Variants in METRNL observed in about 807,000 individuals in gnomAD.
The protein encoded by METRNL is meteorin like, glial cell differentiation regulator, also known as meteorin-like protein.
METRNL carries 9 observed loss-of-function variants against 17.4 expected under a neutral mutation model. The observed-to-expected ratio is 0.52, with a 90% CI of 0.31 to 0.90. METRNL has a LOEUF of 0.90. METRNL is among the 40% of genes least tolerant of loss of function. The probability of loss-of-function intolerance (pLI) is 0.05; values close to 1 mark genes in which losing one functional copy is unlikely to be tolerated. For missense variants in METRNL, 408 were observed against 430.7 expected, an observed-to-expected ratio of 0.95 and a Z score of 0.47; for synonymous variants, 215 against 199.3, an observed-to-expected ratio of 1.08 and a Z score of -0.66.
intron 2 of METRNL, among the ~76,000 whole-genome samples, chr17:83,088,947 G>A (rs964660428): frequency 6.6e-6 from 1 of 152,120 alleles, no homozygotes; most frequent in African/African-American, 2.4e-5. Context: ...TTCCTGCTTG[G>A]TGCCTTCTCT....
chr17:83,084,998 G>T lies in METRNL; in HGVS notation c.231G>T (p.Ala77=). ...EVEQVYLRCA[A]GAVEWMYPTG... is the part of the protein sequence containing the mutation. Reference sequence around the variant, plus strand: ...AGCAGGTGTATCTGCGCTGTGCGGCGGGTGCCGTGGAGTGGATGTACCCAA... The same window carrying T: ...AGCAGGTGTATCTGCGCTGTGCGGCTGGTGCCGTGGAGTGGATGTACCCAA... The change falls in exon 2 of 4, where the codon GCG becomes GCT. Residue 77 remains alanine (A), a synonymous_variant. Transcript: ENST00000320095. The T allele has an allele frequency of 2.5e-6, 4 of 1,613,700 alleles. No individual in the cohort carries two copies. The highest frequency in any genetic ancestry group is 3.4e-6 in the Non-Finnish European group (4 of 1,179,972).
rs187879933 is a variant in METRNL at position 83,093,219 on chromosome 17, C to T, written c.609C>T (p.Ser203=). Residue 203 remains serine (S), a synonymous_variant, in exon 3 of 4, where the codon AGC becomes AGT. Transcript: ENST00000320095. ...DTEVLLAVCT[S]DFAVRGSIQQ... is the part of the protein sequence containing the mutation. ...AGGTGCTCCTAGCCGTCTGCACCAGCGACTTCGGTGAGTGTCTCCTCGGCA... is the reference window on the plus strand; with the variant it reads ...AGGTGCTCCTAGCCGTCTGCACCAGTGACTTCGGTGAGTGTCTCCTCGGCA... 322 of 1,607,776 alleles carry T rather than the reference C, an allele frequency of 2.0e-4. 2 individuals carry two copies. The East Asian group carries it at 6.4e-3, about 32-fold the overall frequency.
intron 1 of METRNL, chr17:83,082,307 T>A (rs1008374702): frequency 1.0e-6 from 1 of 973,988 alleles, no homozygotes; most frequent in African/African-American, 1.8e-5. Flanking sequence ...GGGCATTTTG[T>A]CCTGGTGACC....
chr17:83,087,886 G>A (rs1203427598), intron 2 of METRNL, among the ~76,000 whole-genome samples: 7 of 151,846 alleles, frequency 4.6e-5, no homozygotes, highest in Admixed American at 2.0e-4. Context: ...GAGGACAGAG[G>A]CTCCGTGGGC....
At chr17:83,091,597 C>T (rs2038137920) in intron 2 of METRNL, among the ~76,000 whole-genome samples, 1 of 152,252 alleles carries the variant, frequency 6.6e-6, no homozygotes. Context: ...CTGGGACCCC[C>T]AGTCACCAGC....
chr17:83,091,231 G>C (rs1356197899), intron 2 of METRNL, among the ~76,000 whole-genome samples: 3 of 151,708 alleles, frequency 2.0e-5, no homozygotes. Flanking sequence ...CCCAGTGCCA[G>C]GCTGGACCGG....
intron 1 of METRNL, among the ~76,000 whole-genome samples, chr17:83,081,607 G>A (rs746686689): frequency 7.9e-5 from 12 of 152,074 alleles, no homozygotes; most frequent in Admixed American, 2.0e-4. Context: ...CTGTCTACCT[G>A]GAGGCCCTCT....
chr17:83,094,934 T>TG lies in METRNL; in HGVS notation c.*360dup, dbSNP rs2038186542. On this transcript the variant is annotated 3_prime_UTR_variant, in exon 4 of 4. Coordinates refer to ENST00000320095, the MANE Select transcript of METRNL (RefSeq NM_001004431.3). Reference sequence around the variant, plus strand: ...TCACGGCATCTGGCCTGCGGTTGGGTGAAGCACTGGCCGTTGGGCACAGTG... The same window carrying TG: ...TCACGGCATCTGGCCTGCGGTTGGGTGGAAGCACTGGCCGTTGGGCACAGTG... 1 of 246,182 alleles carries TG rather than the reference T, an allele frequency of 4.1e-6. No individual in the cohort carries two copies. The highest frequency in any genetic ancestry group is 7.7e-6 in the Non-Finnish European group (1 of 129,842). The allele number at this position is 246,182 out of a possible 1,614,324, so 15.2% of individuals were successfully genotyped here.
At chr17:83,093,785 C>A (rs1015444183) in intron 3 of METRNL, among the ~76,000 whole-genome samples, 1 of 152,150 alleles carries the variant, frequency 6.6e-6, no homozygotes, top group African/African-American at 2.4e-5. Context: ...GTCCTGCAGG[C>A]CCCGGCTCTG....
chr17:83,085,202 C>T lies in METRNL; in HGVS notation c.435C>T (p.Gly145=), dbSNP rs2038037470. The T allele has an allele frequency of 6.2e-7, 1 of 1,608,910 alleles. No homozygotes were observed. Among genetic ancestry groups the T allele is most frequent in the Non-Finnish European group, 8.5e-7 (1 of 1,177,390 alleles). Residue 145 remains glycine (G), a synonymous_variant, in exon 2 of 4, where the codon GGC becomes GGT. Transcript: ENST00000320095. ...GGCCCGGCCGGGTGCAGTGTTTTGGCCTGGAGCAGGGCGGCCTGTTCGTGG... is the reference window on the plus strand; with the variant it reads ...GGCCCGGCCGGGTGCAGTGTTTTGGTCTGGAGCAGGGCGGCCTGTTCGTGG... The part of the protein sequence containing the change: ...DGRPGRVQCF[G]LEQGGLFVEA...
chr17:83,087,926 G>A (rs1365020285), intron 2 of METRNL, among the ~76,000 whole-genome samples: 2 of 152,212 alleles, frequency 1.3e-5, no homozygotes, highest in Non-Finnish European at 2.9e-5. Context: ...GGGTGTGTGA[G>A]CCCCGTCCCC....
At chr17:83,083,369 C>T (rs543801278) in intron 1 of METRNL, among the ~76,000 whole-genome samples, 6 of 152,300 alleles carry the variant, frequency 3.9e-5, no homozygotes, top group African/African-American at 1.2e-4. Flanking sequence ...TGCCTGAGCA[C>T]GGGCAGGAGG....
chr17:83,088,062 C>G (rs1443610152), intron 2 of METRNL, among the ~76,000 whole-genome samples: 1 of 152,214 alleles, frequency 6.6e-6, no homozygotes, highest in Non-Finnish European at 1.5e-5. Flanking sequence ...TTGGCCGGAA[C>G]ACGGGGGCAG....
intron 1 of METRNL, among the ~76,000 whole-genome samples, chr17:83,083,171 C>T (rs1044281259): frequency 2.0e-5 from 3 of 152,360 alleles, no homozygotes; most frequent in East Asian, 1.9e-4. Context: ...AGGCTCAAGT[C>T]GGCCTCCTCC....
chr17:83,092,291 G>A (rs901909978), intron 2 of METRNL: 4 of 152,330 alleles, frequency 2.6e-5, no homozygotes, highest in African/African-American at 9.6e-5. Flanking sequence ...CCCCACGCCG[G>A]TGGCAGGTGG....
At chr17:83,089,330 G>T (rs1344184946) in intron 2 of METRNL, among the ~76,000 whole-genome samples, 1 of 152,170 alleles carries the variant, frequency 6.6e-6, no homozygotes, top group Non-Finnish European at 1.5e-5. Flanking sequence ...CCACCTGTGT[G>T]GGAGACCCAG....
In METRNL at chr17:83,083,515, C is replaced by CTTG. The variant is rs571660976; in HGVS notation, c.171-1423_171-1422insTTG. On this transcript the variant is annotated intron_variant, in intron 1 of 3. Transcript: ENST00000320095. ...CACAGCACGATCATCGTGCCCTTGCCCACACACGTGTTAGATGAGCTTGTG... is the reference window on the plus strand; with the variant it reads ...CACAGCACGATCATCGTGCCCTTGCCTTGCACACACGTGTTAGATGAGCTTGTG... Among the ~76,000 whole-genome samples the CTTG allele has an allele frequency of 1.9e-3, 287 of 152,326 alleles. 1 individual carries two copies. Among genetic ancestry groups the CTTG allele is most frequent in the African/African-American group, 6.8e-3 (281 of 41,576 alleles).
chr17:83,094,397 G>A lies in METRNL; in HGVS notation c.758G>A (p.Arg253His), dbSNP rs150178990. ...GAGGGTGACGGCCACTGGCAGGGGCGCGTCAGGACGCTGCTGGAGTGTGGC... is the reference window on the plus strand; with the variant it reads ...GAGGGTGACGGCCACTGGCAGGGGCACGTCAGGACGCTGCTGGAGTGTGGC... ...VPEGDGHWQGRVRTLLECGVR... is the reference protein window; with the variant it reads ...VPEGDGHWQGHVRTLLECGVR... The change falls in exon 4 of 4, where the codon CGC (arginine) becomes CAC (histidine). Residue 253 changes from arginine (R) to histidine (H), a missense_variant. Coordinates refer to ENST00000320095, the MANE Select transcript of METRNL (RefSeq NM_001004431.3). 237 of 1,609,748 alleles carry A rather than the reference G, an allele frequency of 1.5e-4. No homozygotes were observed. The highest frequency in any genetic ancestry group is 2.3e-4 in the Admixed American group (14 of 59,760).
chr17:83,092,412 C>G (rs1048381154), intron 2 of METRNL: 4 of 152,238 alleles, frequency 2.6e-5, no homozygotes, highest in African/African-American at 9.6e-5. Flanking sequence ...GTGCCGCTGC[C>G]GTCGCGACCC....
Sources: gnomAD v4.1 joint callset for allele counts (sites outside exome capture counted in the v4.1 genomes callset) on GRCh38, gnomAD v4.1.1 for gene constraint, MANE v1.5 for transcripts, NCBI Gene and HGNC (gene_info 2026-07-23, HGNC 2026-07-21) for gene names.